Variants in MGAT4C observed in about 807,000 individuals in gnomAD.
MGAT4C encodes MGAT4 family member C, also known as alpha-1,3-mannosyl-glycoprotein 4-beta-N-acetylglucosaminyltransferase C.
MGAT4C carries 19 observed loss-of-function variants against 40.1 expected under a neutral mutation model. That is an observed-to-expected ratio of 0.47 (90% CI 0.33 to 0.70). The LOEUF is 0.70. Among genes scored for constraint, MGAT4C ranks in the 30% least tolerant of loss-of-function variants. The pLI, the probability that MGAT4C is intolerant of heterozygous loss-of-function variation, is 0.02. For synonymous variants in MGAT4C, 181 were observed against 187.1 expected (o/e 0.97, Z 0.27); for missense variants, 491 against 563.2 (o/e 0.87, Z 1.30).
intron 1 of MGAT4C, among the ~76,000 whole-genome samples, chr12:86,195,082 T>C (rs968049280): frequency 2.2e-4 from 33 of 152,202 alleles, no homozygotes; most frequent in African/African-American, 6.3e-4. Flanking sequence ...TCTGGCTGCA[T>C]TGGTAAACAT....
At chr12:86,102,307 G>A in intron 1 of MGAT4C, among the ~76,000 whole-genome samples, 1 of 151,924 alleles carries the variant, frequency 6.6e-6, no homozygotes, top group East Asian at 1.9e-4. Flanking sequence ...AAAAAATGTA[G>A]CATTAGCTGT....
At chr12:86,027,868 C>A (rs1392506594) in intron 2 of MGAT4C, among the ~76,000 whole-genome samples, 1 of 151,740 alleles carries the variant, frequency 6.6e-6, no homozygotes. Flanking sequence ...CAGTGATGAT[C>A]CATCATTTCA....
intron 1 of MGAT4C, among the ~76,000 whole-genome samples, chr12:86,817,903 A>T (rs982773053): frequency 9.2e-5 from 14 of 151,432 alleles, no homozygotes; most frequent in African/African-American, 3.4e-4. Flanking sequence ...TAAAGCAGGA[A>T]TTTGAACTGG....
At chr12:86,186,488 A>G (rs1888767155) in intron 1 of MGAT4C, among the ~76,000 whole-genome samples, 1 of 152,196 alleles carries the variant, frequency 6.6e-6, no homozygotes, top group Admixed American at 6.6e-5. Flanking sequence ...AACTTTACAT[A>G]CTAATTGAAG....
At chr12:86,322,450 C>A (rs551688089) in intron 4 of MGAT4C, among the ~76,000 whole-genome samples, 4 of 150,886 alleles carry the variant, frequency 2.7e-5, no homozygotes, top group Admixed American at 2.6e-4. Flanking sequence ...GTTGCTATTA[C>A]ATTTTTAGAC....
intron 2 of MGAT4C, among the ~76,000 whole-genome samples, chr12:86,578,161 G>C (rs183959308): frequency 6.8e-4 from 103 of 151,886 alleles, no homozygotes; most frequent in Non-Finnish European, 5.9e-5. Context: ...AAGAGAGTCT[G>C]GGTCCAAGAT....
At chr12:86,501,705 T>C (rs988907350) in intron 2 of MGAT4C, among the ~76,000 whole-genome samples, 11 of 152,130 alleles carry the variant, frequency 7.2e-5, no homozygotes, top group Non-Finnish European at 1.5e-4. Flanking sequence ...TAGTATTCCA[T>C]GGTGTATATA....
intron 1 of MGAT4C, among the ~76,000 whole-genome samples, chr12:86,185,858 A>G (rs1689364): frequency 1.3e-5 from 2 of 152,020 alleles, no homozygotes; most frequent in Non-Finnish European, 2.9e-5. Flanking sequence ...GGCAAAGAGA[A>G]GAGAGTCGCT....
intron 2 of MGAT4C, among the ~76,000 whole-genome samples, chr12:86,584,254 C>T (rs1960916077): frequency 6.6e-6 from 1 of 150,648 alleles, no homozygotes; most frequent in African/African-American, 2.4e-5. Context: ...GATAGCGCTA[C>T]ATTGATGAGT....
In MGAT4C at chr12:85,975,248, T is replaced by C. The variant is rs987809711; in HGVS notation, c.*4041A>G. On this transcript the variant is annotated 3_prime_UTR_variant, in exon 5 of 5. Transcript: ENST00000611864. ...TGAAAAGGTAGGCTGAATAACATTTTTAAAGGGCAGTAAATTTTATAATTG... is the reference window on the plus strand; with the variant it reads ...TGAAAAGGTAGGCTGAATAACATTTCTAAAGGGCAGTAAATTTTATAATTG... 6.6e-6 allele frequency: 1 copy of C among 151,018 alleles called. No individual in the cohort carries two copies. Among genetic ancestry groups the C allele is most frequent in the Non-Finnish European group, 1.5e-5 (1 of 67,146 alleles). 9.4% of individuals were successfully genotyped at this position (151,018 alleles called of 1,614,324 possible).
intron 1 of MGAT4C, among the ~76,000 whole-genome samples, chr12:86,792,201 C>T (rs988710092): frequency 6.6e-6 from 1 of 152,072 alleles, no homozygotes; most frequent in Non-Finnish European, 1.5e-5. Flanking sequence ...TATTGTACTC[C>T]TAAATAAACT....
chr12:86,555,989 C>T lies in MGAT4C; in HGVS notation c.-228-120724G>A, dbSNP rs375807578. ...TGAACTACTGGAAGATATATTTCAGCGGAGATATACACGATGCCTATGCAT... is the reference window on the plus strand; with the variant it reads ...TGAACTACTGGAAGATATATTTCAGTGGAGATATACACGATGCCTATGCAT... On this transcript the variant is annotated intron_variant, in intron 2 of 7. Coordinates refer to the MGAT4C transcript ENST00000548651. 6.6e-4 allele frequency among the ~76,000 whole-genome samples: 100 copies of T among 152,258 alleles called. No homozygotes were observed. The South Asian group carries it at 0.017, about 27-fold the overall frequency.
intron 1 of MGAT4C, among the ~76,000 whole-genome samples, chr12:86,211,825 C>T (rs1264082701): frequency 3.3e-5 from 5 of 151,362 alleles, no homozygotes; most frequent in Admixed American, 1.3e-4. Context: ...TTTGTTCTCT[C>T]TTTGCAGCTG....
chr12:85,984,255 A>G (rs1267479532), intron 3 of MGAT4C, among the ~76,000 whole-genome samples: 1 of 152,162 alleles, frequency 6.6e-6, no homozygotes, highest in East Asian at 1.9e-4. Flanking sequence ...AGGGCCAGTT[A>G]TGGGTGCTAT....
At chr12:86,404,858 G>A (rs1271822214) in intron 3 of MGAT4C, among the ~76,000 whole-genome samples, 1 of 151,970 alleles carries the variant, frequency 6.6e-6, no homozygotes, top group Non-Finnish European at 1.5e-5. Context: ...GTATCATATG[G>A]GAACATCAAA....
intron 1 of MGAT4C, among the ~76,000 whole-genome samples, chr12:86,251,149 T>A (rs1412530038): frequency 1.6e-5 from 2 of 127,172 alleles, no homozygotes; most frequent in African/African-American, 5.7e-5. Context: ...TTTTTTTTTT[T>A]ATTATGAAGG....
At chr12:86,606,042 C>T (rs187663433) in intron 2 of MGAT4C, among the ~76,000 whole-genome samples, 54 of 152,166 alleles carry the variant, frequency 3.5e-4, no homozygotes, top group African/African-American at 1.3e-3. Flanking sequence ...TACAAGGCTG[C>T]AGGAAGGAGA....
At chr12:86,716,159 G>A (rs1950642258) in intron 2 of MGAT4C, among the ~76,000 whole-genome samples, 1 of 152,042 alleles carries the variant, frequency 6.6e-6, no homozygotes, top group Non-Finnish European at 1.5e-5. Context: ...ATTGCCAAAG[G>A]TGTTTATAAA....
chr12:86,188,731 C>T (rs1009417046), intron 1 of MGAT4C, among the ~76,000 whole-genome samples: 8 of 151,688 alleles, frequency 5.3e-5, no homozygotes, highest in African/African-American at 1.9e-4. Flanking sequence ...TTGTTAACTC[C>T]CTAACTGCTG....
Sources: allele counts gnomAD v4.1 joint callset (sites outside exome capture counted in the v4.1 genomes callset), GRCh38; gene constraint gnomAD v4.1.1; transcripts MANE v1.5; gene names NCBI Gene and HGNC (gene_info 2026-07-23, HGNC 2026-07-21).